The following ASIC2 variants were observed in gnomAD, a reference collection of about 807,000 sequenced individuals.
ASIC2 encodes acid-sensing ion channel 2.
In ASIC2, 25 loss-of-function variants were observed where a neutral mutation model predicts 57.3. That is an observed-to-expected ratio of 0.44 (90% CI 0.32 to 0.61). The LOEUF (loss-of-function observed/expected upper bound fraction) is 0.61. Among genes scored for constraint, ASIC2 ranks in the 20% least tolerant of loss-of-function variants. The pLI, the probability that ASIC2 is intolerant of heterozygous loss-of-function variation, is 0.06. For synonymous variants in ASIC2, 319 were observed against 307.5 expected (o/e 1.04, Z -0.39); for missense variants, 641 against 738.1 (o/e 0.87, Z 1.52).
chr17:34,113,556 T>C (rs1333416597), intron 1 of ASIC2, among the ~76,000 whole-genome samples: 5 of 149,162 alleles, frequency 3.4e-5, no homozygotes, highest in Admixed American at 6.7e-5. Flanking sequence ...AACAAAACTC[T>C]GTCTTAAGGA....
intron 1 of ASIC2, among the ~76,000 whole-genome samples, chr17:33,737,511 A>G (rs1437837570): frequency 6.7e-6 from 1 of 149,476 alleles, no homozygotes; most frequent in Non-Finnish European, 1.5e-5. Context: ...TTAAATCTCA[A>G]TCTAGTTCAC....
chr17:33,810,990 G>A (rs1397387430), intron 1 of ASIC2, among the ~76,000 whole-genome samples: 2 of 152,090 alleles, frequency 1.3e-5, no homozygotes, highest in African/African-American at 4.8e-5. Context: ...CAGAACAGCC[G>A]GGGAAGCAGA....
At chr17:33,284,370 A>C (rs1905067344) in intron 1 of ASIC2, among the ~76,000 whole-genome samples, 1 of 152,204 alleles carries the variant, frequency 6.6e-6, no homozygotes, top group South Asian at 2.1e-4. Flanking sequence ...TTGTGGCACA[A>C]TTAAAACTTT....
intron 1 of ASIC2, among the ~76,000 whole-genome samples, chr17:34,095,655 AATTT>A (rs1198579795): frequency 4.2e-5 from 4 of 95,534 alleles, no homozygotes; most frequent in African/African-American, 2.1e-4. Flanking sequence ...ATATATATAT[AATTT>A]TATATATATA....
intron 3 of ASIC2, among the ~76,000 whole-genome samples, chr17:33,083,620 C>T (rs907603980): frequency 6.6e-6 from 1 of 152,052 alleles, no homozygotes; most frequent in Non-Finnish European, 1.5e-5. Flanking sequence ...AGGCCTTTGC[C>T]AGGTAGATGA....
chr17:33,779,965 G>A (rs1911397519), intron 1 of ASIC2, among the ~76,000 whole-genome samples: 1 of 51,194 alleles, frequency 2.0e-5, no homozygotes, highest in Non-Finnish European at 4.4e-5. Context: ...GGCTACAGAA[G>A]CCTTTTTTTT....
intron 1 of ASIC2, among the ~76,000 whole-genome samples, chr17:33,705,812 G>A (rs1908844714): frequency 1.3e-5 from 2 of 152,126 alleles, no homozygotes; most frequent in African/African-American, 2.4e-5. Flanking sequence ...GAAGTCTGTG[G>A]TAATTGGTCA....
At chr17:34,003,265 C>T (rs970540397) in intron 1 of ASIC2, 1 of 152,136 alleles carries the variant, frequency 6.6e-6, no homozygotes, top group Non-Finnish European at 1.5e-5. Context: ...ACCTCTTTGA[C>T]CTCAGTTTTC....
intron 1 of ASIC2, among the ~76,000 whole-genome samples, chr17:33,590,572 C>T (rs1343826878): frequency 2.0e-5 from 3 of 151,484 alleles, no homozygotes; most frequent in Non-Finnish European, 4.4e-5. Flanking sequence ...AATCTCTACA[C>T]CACACCCCAA....
chr17:33,743,606 C>T (rs1201641157), intron 1 of ASIC2, among the ~76,000 whole-genome samples: 1 of 152,184 alleles, frequency 6.6e-6, no homozygotes, highest in Non-Finnish European at 1.5e-5. Flanking sequence ...CAGTTATGGC[C>T]TAAATAGGAC....
chr17:33,156,034 G>A (rs1412453204), intron 1 of ASIC2, among the ~76,000 whole-genome samples: 1 of 152,136 alleles, frequency 6.6e-6, no homozygotes, highest in Non-Finnish European at 1.5e-5. Flanking sequence ...TAACCTCTCT[G>A]GGCCTCACAC....
intron 1 of ASIC2, among the ~76,000 whole-genome samples, chr17:33,212,086 C>G (rs1907296877): frequency 6.6e-6 from 1 of 152,186 alleles, no homozygotes; most frequent in African/African-American, 2.4e-5. Flanking sequence ...CTGTCTGTCT[C>G]TAAGGCTCCC....
intron 1 of ASIC2, among the ~76,000 whole-genome samples, chr17:33,357,630 T>A (rs201694380): frequency 6.6e-6 from 1 of 152,164 alleles, no homozygotes; most frequent in Non-Finnish European, 1.5e-5. Context: ...CTTCCAGGCC[T>A]GGTCCATATA....
At chr17:34,047,588 C>CCATGCCCTT (rs1269801546) in intron 1 of ASIC2, among the ~76,000 whole-genome samples, 1 of 150,280 alleles carries the variant, frequency 6.7e-6, no homozygotes, top group Non-Finnish European at 1.5e-5. Flanking sequence ...CTGATTATAT[C>CCATGCCCTT]CATGCCCTTT....
chr17:33,245,047 G>A (rs560476081), intron 1 of ASIC2, among the ~76,000 whole-genome samples: 4 of 152,124 alleles, frequency 2.6e-5, no homozygotes, highest in East Asian at 3.9e-4. Context: ...CTGTAATAAC[G>A]ATCACATAAT....
At chr17:33,109,168 A>T (rs2092246872) in intron 2 of ASIC2, among the ~76,000 whole-genome samples, 1 of 152,124 alleles carries the variant, frequency 6.6e-6, no homozygotes, top group Non-Finnish European at 1.5e-5. Context: ...GATGGGTGCA[A>T]TAAAATCTCA....
At chr17:33,213,078 C>G (rs1447437861) in intron 1 of ASIC2, among the ~76,000 whole-genome samples, 4 of 152,226 alleles carry the variant, frequency 2.6e-5, no homozygotes, top group African/African-American at 9.6e-5. Context: ...GCATCCAAAA[C>G]ACACTCTGTG....
intron 1 of ASIC2, among the ~76,000 whole-genome samples, chr17:34,051,507 T>C (rs1908553466): frequency 6.6e-6 from 1 of 152,226 alleles, no homozygotes; most frequent in African/African-American, 2.4e-5. Flanking sequence ...ATTGCAAAGA[T>C]AAGTCAGGAC....
intron 1 of ASIC2, chr17:34,039,286 C>A: frequency 6.2e-7 from 1 of 1,613,918 alleles, no homozygotes; most frequent in Non-Finnish European, 8.5e-7. Flanking sequence ...TTTTTGGGAG[C>A]TGCAGGAATG....
Sources: allele counts gnomAD v4.1 joint callset (sites outside exome capture counted in the v4.1 genomes callset), GRCh38; gene constraint gnomAD v4.1.1; transcripts MANE v1.5; gene names NCBI Gene and HGNC (gene_info 2026-07-23, HGNC 2026-07-21).